PP2D1: variants seen among roughly 807,000 people sequenced by gnomAD.
The protein encoded by PP2D1 is protein phosphatase 2C like domain containing 1.
A neutral mutation model predicts 30.2 loss-of-function variants in PP2D1; 25 were observed. The ratio of observed to expected loss-of-function variants is 0.83; its 90% CI spans 0.60 to 1.16. The LOEUF (loss-of-function observed/expected upper bound fraction) is 1.16. Among genes scored for constraint, PP2D1 ranks in the 50% most tolerant of loss-of-function variants. The pLI is 0.00. For synonymous variants in PP2D1, 260 were observed against 258.9 expected (o/e 1.00, Z -0.04); for missense variants, 760 against 742.4 (o/e 1.02, Z -0.28).
chr3:19,983,316 A>T (rs1696966579), downstream of PP2D1, among the ~76,000 whole-genome samples: 1 of 140,228 alleles, frequency 7.1e-6, no homozygotes, highest in African/African-American at 2.7e-5. Flanking sequence ...AGCCTAGGTG[A>T]GCCTGGGTGA....
chr3:19,995,783 A>G (rs1295622935), intron 2 of PP2D1, among the ~76,000 whole-genome samples: 5 of 152,204 alleles, frequency 3.3e-5, no homozygotes, highest in East Asian at 1.9e-4. Flanking sequence ...TCATACCACA[A>G]TGGAATAGAA....
chr3:19,990,073 T>C (rs547345326), intron 2 of PP2D1, among the ~76,000 whole-genome samples: 2 of 152,266 alleles, frequency 1.3e-5, no homozygotes, highest in East Asian at 3.9e-4. Flanking sequence ...TGAACATCCT[T>C]TGGATTCAGC....
chr3:20,008,721 A>C (rs1391004549), intron 1 of PP2D1, among the ~76,000 whole-genome samples: 2 of 152,196 alleles, frequency 1.3e-5, no homozygotes, highest in Non-Finnish European at 2.9e-5. Context: ...ACTGTACTCC[A>C]CCTAGGTTAC....
At position 19,992,051 on chromosome 3, in the gene PP2D1, A is replaced by G. The variant is rs375038697; in HGVS notation, c.1091-5869T>C. ...GTATCCAGTTTTTCTTCAGTGCTGT[A>G]GTTTCAGCAAAAGAGGCTGAATTTG... On this transcript the variant is annotated intron_variant, in intron 2 of 2. Coordinates refer to ENST00000389050, the MANE Select transcript of PP2D1 (RefSeq NM_001252657.2). 1.4e-4 allele frequency among the ~76,000 whole-genome samples: 22 copies of G among 152,346 alleles called. No homozygotes were observed. In the East Asian group the frequency reaches 2.9e-3, roughly 20 times the overall value.
chr3:19,983,282 A>G (rs936662527), downstream of PP2D1, among the ~76,000 whole-genome samples: 5 of 147,782 alleles, frequency 3.4e-5, no homozygotes, highest in Non-Finnish European at 7.4e-5. Context: ...GTTGCAGTGA[A>G]CTGAGATCAC....
At chr3:20,006,478 T>C (rs1160840485) in intron 1 of PP2D1, among the ~76,000 whole-genome samples, 1 of 152,136 alleles carries the variant, frequency 6.6e-6, no homozygotes, top group East Asian at 1.9e-4. Flanking sequence ...GTCCCTGATA[T>C]AAATGGCGTA....
At chr3:19,999,535 C>T (rs28597881) in intron 2 of PP2D1, among the ~76,000 whole-genome samples, 23,679 of 146,262 alleles carry the variant, frequency 0.16, 2,448 homozygotes, top group Non-Finnish European at 0.23. Flanking sequence ...GCACCTGCCA[C>T]GCCTGGCTAA....
intron 1 of PP2D1, among the ~76,000 whole-genome samples, chr3:20,006,528 C>T (rs1697319959): frequency 6.6e-6 from 1 of 152,084 alleles, no homozygotes; most frequent in Non-Finnish European, 1.5e-5. Flanking sequence ...ACTGTGTCAC[C>T]CAGGAGTGCA....
At chr3:19,992,937 G>T (rs1575084620) in intron 2 of PP2D1, among the ~76,000 whole-genome samples, 3 of 152,286 alleles carry the variant, frequency 2.0e-5, no homozygotes, top group Admixed American at 2.0e-4. Context: ...GGAGGCTGAG[G>T]CAGGAGGACC....
At chr3:20,005,073 G>A (rs1489642245) in intron 1 of PP2D1, among the ~76,000 whole-genome samples, 1 of 152,030 alleles carries the variant, frequency 6.6e-6, no homozygotes, top group South Asian at 2.1e-4. Flanking sequence ...ATTGCACCAC[G>A]ACACTCCAGC....
At chr3:19,982,537 A>G (rs1696949022), downstream of PP2D1, among the ~76,000 whole-genome samples, 1 of 152,130 alleles carries the variant, frequency 6.6e-6, no homozygotes, top group African/African-American at 2.4e-5. Flanking sequence ...GTTACTCTGC[A>G]AGGTGTAAGT....
chr3:19,985,630 T>A lies in PP2D1; in HGVS notation c.1643A>T (p.Glu548Val). Residue 548 changes from glutamate (E) to valine (V), a missense_variant, in exon 3 of 3, where the codon GAG becomes GTG. By Grantham distance (121) the Glu-to-Val change is moderately radical. This residue lies in a region of PP2D1 where 369 missense variants were observed against 316.2 expected (regional missense o/e 1.17). Coordinates refer to ENST00000389050, the MANE Select transcript of PP2D1 (RefSeq NM_001252657.2). ...NYSKYCIYNP[E>V]NVETFPAETT... is the part of the protein sequence containing the mutation. ...TTCTGCTGGAAATGTTTCTACATTC[T>A]CAGGGTTATAAATACAGTATTTAGA... The A allele has an allele frequency of 6.5e-7, 1 of 1,535,966 alleles. No homozygotes were observed. Among genetic ancestry groups the A allele is most frequent in the East Asian group, 2.4e-5 (1 of 40,906 alleles).
At chr3:19,990,709 A>G (rs1023630782) in intron 2 of PP2D1, among the ~76,000 whole-genome samples, 7 of 151,980 alleles carry the variant, frequency 4.6e-5, no homozygotes, top group African/African-American at 1.7e-4. Flanking sequence ...CTTGAACAGA[A>G]TAATGAACAA....
chr3:19,997,192 A>T (rs893923912), intron 2 of PP2D1, among the ~76,000 whole-genome samples: 3 of 145,478 alleles, frequency 2.1e-5, no homozygotes, highest in Non-Finnish European at 3.0e-5. Flanking sequence ...AGATCCCACT[A>T]CTGAGTATGA....
At chr3:19,981,908 C>T (rs554072902), downstream of PP2D1, among the ~76,000 whole-genome samples, 1 of 152,244 alleles carries the variant, frequency 6.6e-6, no homozygotes, top group African/African-American at 2.4e-5. Flanking sequence ...GGATTAGGTA[C>T]AGCTACTGGT....
In PP2D1 at chr3:19,989,750, G is replaced by A. The variant is rs575064197; in HGVS notation, c.1091-3568C>T. On this transcript the variant is annotated intron_variant, in intron 2 of 2. Coordinates refer to ENST00000389050, the MANE Select transcript of PP2D1 (RefSeq NM_001252657.2). ...GTGTGTGCATACATACGAATTGTAC[G>A]GCCATAGCTCTGAAAACGAAAGGGA... Among the ~76,000 whole-genome samples the A allele has an allele frequency of 9.9e-5, 15 of 152,178 alleles. No homozygotes were observed. In the South Asian group the frequency reaches 1.4e-3, roughly 15 times the overall value.
intron 1 of PP2D1, among the ~76,000 whole-genome samples, chr3:20,005,327 T>TG (rs1013630697): frequency 6.6e-6 from 1 of 151,966 alleles, no homozygotes; most frequent in African/African-American, 2.4e-5. Flanking sequence ...TAATTTTGTA[T>TG]TTTTAGTAGA....
At position 19,985,517 on chromosome 3, in the gene PP2D1, T is replaced by TA; in HGVS notation, c.1755_1756insT (p.Thr586TyrfsTer2). On this transcript the variant is annotated frameshift_variant, in exon 3 of 3. Coordinates refer to ENST00000389050, the MANE Select transcript of PP2D1 (RefSeq NM_001252657.2). LOFTEE classifies it low-confidence loss of function (END_TRUNC). ...GCTGCGCCTTCATAGAAACTCTTAG[T>TA]GTCTGATTCTTTTTCATTTGTTGCC... 1 of 1,536,086 alleles carries TA rather than the reference T, an allele frequency of 6.5e-7. No individual in the cohort carries two copies. Among genetic ancestry groups the TA allele is most frequent in the Non-Finnish European group, 8.7e-7 (1 of 1,146,878 alleles).
chr3:19,984,115 G>T, downstream of PP2D1: 1 of 408,944 alleles, frequency 2.4e-6, no homozygotes, highest in Non-Finnish European at 4.6e-6. Flanking sequence ...ACAAATGACT[G>T]TCTGGGCCCA....
Sources: allele counts gnomAD v4.1 joint callset (sites outside exome capture counted in the v4.1 genomes callset), GRCh38; gene constraint gnomAD v4.1.1; regional missense constraint gnomAD v4.1.1; transcripts MANE v1.5; gene names NCBI Gene and HGNC (gene_info 2026-07-23, HGNC 2026-07-21).